CACNA1C: variants seen among roughly 807,000 people sequenced by gnomAD.
The protein encoded by CACNA1C is voltage-dependent L-type calcium channel subunit alpha-1C.
In CACNA1C, 30 loss-of-function variants were observed where a neutral mutation model predicts 229.0. The ratio of observed to expected loss-of-function variants is 0.13; its 90% CI spans 0.10 to 0.18. The LOEUF (loss-of-function observed/expected upper bound fraction) is 0.18, where lower values mean the gene tolerates loss of function less well. Ranked by LOEUF, CACNA1C falls within the 10% of genes least tolerant of loss-of-function variation. CACNA1C has a pLI of 1.00. For missense variants in CACNA1C, 1,658 were observed against 2,845.0 expected, an observed-to-expected ratio of 0.58 and a Z score of 9.49; for synonymous variants, 1,114 against 1,132.5, an observed-to-expected ratio of 0.98 and a Z score of 0.33.
chr12:2,517,997 AACAG>A (rs1302249911), intron 9 of CACNA1C, among the ~76,000 whole-genome samples: 2 of 152,218 alleles, frequency 1.3e-5, no homozygotes, highest in East Asian at 1.9e-4. Flanking sequence ...TGAGCACGTA[AACAG>A]ACAGACAGAC....
rs576259263 is a variant in CACNA1C, at chr12:2,211,125, G to A, written c.477+90695G>A. On this transcript the variant is annotated intron_variant, in intron 3 of 46. Transcript: ENST00000399655. ...CTACTGAAAACCCAGGAATCAAGGT[G>A]GGTGTTTGCATGAAGGTCCCTTCAG... Among the ~76,000 whole-genome samples the A allele has an allele frequency of 8.5e-5, 13 of 152,316 alleles. No individual in the cohort carries two copies. The East Asian group carries it at 2.3e-3, about 27-fold the overall frequency.
intron 3 of CACNA1C, among the ~76,000 whole-genome samples, chr12:2,341,532 G>A (rs1316010125): frequency 6.6e-6 from 1 of 152,204 alleles, no homozygotes; most frequent in African/African-American, 2.4e-5. Flanking sequence ...GGTAGCCACA[G>A]GCCCCTGTGC....
intron 3 of CACNA1C, among the ~76,000 whole-genome samples, chr12:2,355,410 T>C (rs1288998794): frequency 1.3e-5 from 2 of 152,100 alleles, no homozygotes; most frequent in African/African-American, 4.8e-5. Context: ...CTCATTTCGG[T>C]TGGTGGGTGC....
intron 3 of CACNA1C, among the ~76,000 whole-genome samples, chr12:2,160,625 A>G (rs1002676970): frequency 3.3e-5 from 5 of 152,202 alleles, no homozygotes; most frequent in Non-Finnish European, 7.3e-5. Context: ...GTAATTTCCA[A>G]CCTGGAGCTC....
chr12:2,514,302 A>G (rs910245479), intron 9 of CACNA1C, among the ~76,000 whole-genome samples: 12 of 152,230 alleles, frequency 7.9e-5, no homozygotes, highest in Admixed American at 2.6e-4. Flanking sequence ...TAATAAATCT[A>G]TCAACTGCTC....
rs571895497 is a variant in CACNA1C at position 2,388,282 on chromosome 12, C to G, written c.478-60694C>G. Among the ~76,000 whole-genome samples, 3 of 152,256 alleles carry G rather than the reference C, an allele frequency of 2.0e-5. No individual in the cohort carries two copies. In the South Asian group the frequency reaches 6.2e-4, roughly 32 times the overall value. ...GCTCAGGAAGTAGGTCTTATGTGTT[C>G]CCACCACATACACACACAATTTGCT... On this transcript the variant is annotated intron_variant, in intron 3 of 46. Coordinates refer to ENST00000399655, the MANE Select transcript of CACNA1C (RefSeq NM_000719.7).
chr12:2,478,287 A>G (rs962388763), intron 5 of CACNA1C, among the ~76,000 whole-genome samples: 1 of 152,182 alleles, frequency 6.6e-6, no homozygotes, highest in African/African-American at 2.4e-5. Context: ...GCAAAACTCC[A>G]GTCACTGCTT....
intron 10 of CACNA1C, among the ~76,000 whole-genome samples, chr12:2,555,783 A>G (rs946691101): frequency 6.6e-6 from 1 of 152,138 alleles, no homozygotes; most frequent in African/African-American, 2.4e-5. Flanking sequence ...TGGCTTTGCC[A>G]CCTGTCACAT....
chr12:2,259,528 G>A lies in CACNA1C; in HGVS notation c.477+139098G>A, dbSNP rs571918194. ...AGAGCCGCTTTGAGATGTTGCAAGGGGGAGCTAAGAGCAGGGCAGAATTTT... is the reference window on the plus strand; with the variant it reads ...AGAGCCGCTTTGAGATGTTGCAAGGAGGAGCTAAGAGCAGGGCAGAATTTT... On this transcript the variant is annotated intron_variant, in intron 3 of 46. Coordinates refer to ENST00000399655, the MANE Select transcript of CACNA1C (RefSeq NM_000719.7). 1.2e-4 allele frequency among the ~76,000 whole-genome samples: 19 copies of A among 152,306 alleles called. No homozygotes were observed. In the East Asian group the frequency reaches 2.9e-3, roughly 23 times the overall value.
Position 2,601,943 on chromosome 12 carries a change from C to T in CACNA1C, c.2943C>T (p.Leu981=). 6.2e-7 allele frequency: 1 copy of T among 1,611,646 alleles called. No individual in the cohort carries two copies. Among genetic ancestry groups the T allele is most frequent in the Non-Finnish European group, 8.5e-7 (1 of 1,177,702 alleles). The part of the protein sequence containing the change: ...ILDLLVVSVS[L]ISFGIQSSAI... ...ACCTGCTGGTGGTCAGCGTGTCCCT[C>T]ATCTCCTTTGGCATCCAGTGAGTGG... Residue 981 remains leucine (L), a synonymous_variant, in exon 22 of 47, where the codon CTC becomes CTT. Transcript: ENST00000399655. The surrounding 1 kb of genome is among the most constrained non-coding windows in gnomAD (Gnocchi z 5.9).
intron 1 of CACNA1C, among the ~76,000 whole-genome samples, chr12:1,996,762 C>T (rs751871132): frequency 1.3e-5 from 2 of 151,406 alleles, no homozygotes; most frequent in South Asian, 2.1e-4. Flanking sequence ...GACAAGCTTG[C>T]GATAAAGCCT....
chr12:2,291,874 A>G (rs1298026454), intron 3 of CACNA1C, among the ~76,000 whole-genome samples: 1 of 152,242 alleles, frequency 6.6e-6, no homozygotes, highest in African/African-American at 2.4e-5. Context: ...CATCAGCTAG[A>G]AGAAGAGAGA....
chr12:2,109,240 AATG>A (rs1338444221), intron 1 of CACNA1C, among the ~76,000 whole-genome samples: 1 of 152,078 alleles, frequency 6.6e-6, no homozygotes, highest in Non-Finnish European at 1.5e-5. Context: ...GTCCCTTTCC[AATG>A]CCAGGGGCGT....
intron 1 of CACNA1C, among the ~76,000 whole-genome samples, chr12:2,069,713 A>G (rs2060533319): frequency 1.3e-5 from 2 of 152,342 alleles, no homozygotes; most frequent in African/African-American, 2.4e-5. Flanking sequence ...GAGTATTTCA[A>G]AGGGATTGAT....
intron 1 of CACNA1C, among the ~76,000 whole-genome samples, chr12:1,987,790 A>T (rs2038228239): frequency 6.6e-6 from 1 of 152,156 alleles, no homozygotes; most frequent in African/African-American, 2.4e-5. Context: ...ATGTATTATG[A>T]TTTGCAGAGC....
chr12:2,379,153 C>T (rs1594704648), intron 3 of CACNA1C, among the ~76,000 whole-genome samples: 1 of 152,084 alleles, frequency 6.6e-6, no homozygotes, highest in Non-Finnish European at 1.5e-5. Flanking sequence ...TTGACAGAAC[C>T]GAGGGAGGGT....
intron 3 of CACNA1C, among the ~76,000 whole-genome samples, chr12:2,135,814 T>G (rs1325736666): frequency 6.8e-6 from 1 of 146,728 alleles, no homozygotes; most frequent in Admixed American, 6.7e-5. Context: ...GCAGGCCTCC[T>G]TGAGCTGTGG....
At chr12:2,197,963 G>A (rs2097460242) in intron 3 of CACNA1C, among the ~76,000 whole-genome samples, 1 of 152,164 alleles carries the variant, frequency 6.6e-6, no homozygotes, top group Non-Finnish European at 1.5e-5. Flanking sequence ...TGATTTACAT[G>A]TTCTGGGTTT....
intron 3 of CACNA1C, among the ~76,000 whole-genome samples, chr12:2,438,066 A>ATGGTGGTGATGG (rs1567679283): frequency 7.9e-6 from 1 of 127,014 alleles, no homozygotes; most frequent in East Asian, 2.7e-4. Flanking sequence ...GGTGGTGATG[A>ATGGTGGTGATGG]TGGTAGTGAT....
Sources: gnomAD v4.1 joint callset for allele counts (sites outside exome capture counted in the v4.1 genomes callset) on GRCh38, gnomAD v4.1.1 for gene constraint, Gnocchi (gnomAD v3.1) non-coding constraint, MANE v1.5 for transcripts, NCBI Gene and HGNC (gene_info 2026-07-23, HGNC 2026-07-21) for gene names.